DENND10: variants seen among roughly 807,000 people sequenced by gnomAD.
DENND10 encodes DENN domain-containing protein 10.
In DENND10, 24 loss-of-function variants were observed where a neutral mutation model predicts 43.6. The ratio of observed to expected loss-of-function variants is 0.55; its 90% CI spans 0.40 to 0.77. The LOEUF is 0.77. Ranked by LOEUF, DENND10 falls within the 30% of genes least tolerant of loss-of-function variation. DENND10 has a pLI of 0.00. For missense variants in DENND10, 303 were observed against 429.9 expected, an observed-to-expected ratio of 0.70 and a Z score of 2.61; for synonymous variants, 125 against 157.6, an observed-to-expected ratio of 0.79 and a Z score of 1.55.
At chr10:119,113,338 T>A (rs576768968) in intron 3 of DENND10, among the ~76,000 whole-genome samples, 96 of 151,788 alleles carry the variant, frequency 6.3e-4, no homozygotes, top group African/African-American at 2.2e-3. Flanking sequence ...TACAGGTGTG[T>A]GCCACTGCTC....
In DENND10 at chr10:119,136,487, CAA is replaced by C. The variant is rs1846365812; in HGVS notation, c.915_916del (p.Glu307AsnfsTer14). On this transcript the variant is annotated frameshift_variant, in exon 9 of 9. Coordinates refer to ENST00000361432, the MANE Select transcript of DENND10 (RefSeq NM_207009.4). LOFTEE classifies it high-confidence loss of function. ...CTATTAAAGGATATTGCTCTAAAAA[CAA>C]GAGAAATCTTTACCAACCTAGCACC... 3 of 1,600,658 alleles carry C rather than the reference CAA, an allele frequency of 1.9e-6. No homozygotes were observed. Among genetic ancestry groups the C allele is most frequent in the African/African-American group, 1.4e-5 (1 of 73,942 alleles).
At chr10:119,105,500 AT>A in intron 1 of DENND10, 1 of 1,179,656 alleles carries the variant, frequency 8.5e-7, no homozygotes, top group Non-Finnish European at 1.1e-6. Flanking sequence ...GTCCAGGTGG[AT>A]TACTGTATTT....
chr10:119,109,400 CA>C (rs2133459196), intron 2 of DENND10, among the ~76,000 whole-genome samples: 1 of 152,100 alleles, frequency 6.6e-6, no homozygotes, highest in East Asian at 1.9e-4. Context: ...AATATTGGAA[CA>C]ATACTTTATC....
At chr10:119,131,885 C>T (rs1846103148) in intron 7 of DENND10, among the ~76,000 whole-genome samples, 1 of 152,202 alleles carries the variant, frequency 6.6e-6, no homozygotes, top group Non-Finnish European at 1.5e-5. Context: ...TGGCCATCTT[C>T]CTGCTGCCCT....
chr10:119,108,213 G>T (rs375666363), intron 2 of DENND10, 49 bp downstream of exon 2: 2 of 1,352,672 alleles, frequency 1.5e-6, no homozygotes, highest in Non-Finnish European at 2.1e-6. Context: ...GGCTGGGCGC[G>T]GTGGCTCATG....
At position 119,132,563 on chromosome 10, in the gene DENND10, T is replaced by C; in HGVS notation, c.851T>C (p.Val284Ala). The C allele has an allele frequency of 6.2e-7, 1 of 1,614,186 alleles. No homozygotes were observed. Among genetic ancestry groups the C allele is most frequent in the Non-Finnish European group, 8.5e-7 (1 of 1,180,014 alleles). ...CACAAAGAAATGGGTCAGCTAATTG[T>C]TCAGTCTGCAGAAGATCCAGAGAAA... The part of the protein sequence containing the change: ...KLHKEMGQLI[V>A]QSAEDPEKSE... Residue 284 changes from valine to alanine, a missense_variant, in exon 8 of 9, where the codon GTT (valine) becomes GCT (alanine). Physicochemically the swap from Val to Ala is moderately conservative, Grantham distance 64. Transcript: ENST00000361432. This position sits in a 1 kb window ranked among gnomAD's most constrained non-coding sequence, Gnocchi z 4.2.
At chr10:119,124,387 A>AT (rs1364985354) in intron 6 of DENND10, among the ~76,000 whole-genome samples, 19 of 148,968 alleles carry the variant, frequency 1.3e-4, no homozygotes, top group Non-Finnish European at 2.2e-4. Flanking sequence ...AAAAAAAAAA[A>AT]AAAATTAGCC....
intron 3 of DENND10, among the ~76,000 whole-genome samples, chr10:119,113,340 C>T (rs1262538725): frequency 2.6e-5 from 4 of 151,382 alleles, no homozygotes; most frequent in African/African-American, 9.7e-5. Flanking sequence ...CAGGTGTGTG[C>T]CACTGCTCCT....
At chr10:119,112,493 CTTTTT>C (rs1353576739) in intron 3 of DENND10, among the ~76,000 whole-genome samples, 1 of 133,498 alleles carries the variant, frequency 7.5e-6, no homozygotes, top group African/African-American at 2.8e-5. Flanking sequence ...TTTTCTTTTT[CTTTTT>C]TTTTTTTTTT....
intron 4 of DENND10, 83 bp from the exon 5 acceptor site, chr10:119,120,256 AAG>A: frequency 1.1e-6 from 1 of 877,116 alleles, no homozygotes; most frequent in African/African-American, 1.7e-5. Context: ...TCAAAAAAAA[AAG>A]AAAAAAGAAA....
chr10:119,131,923 C>G (rs1311427839), intron 7 of DENND10, among the ~76,000 whole-genome samples: 1 of 152,216 alleles, frequency 6.6e-6, no homozygotes, highest in Non-Finnish European at 1.5e-5. Context: ...TAAAAATGGG[C>G]TCATCCTAAT....
At chr10:119,114,501 C>T (rs1845146796) in intron 3 of DENND10, 1 of 152,256 alleles carries the variant, frequency 6.6e-6, no homozygotes, top group Admixed American at 6.5e-5. Flanking sequence ...TCTTCAGCCT[C>T]TAGTCGCTTG....
At chr10:119,127,806 T>C (rs1845901469) in intron 6 of DENND10, among the ~76,000 whole-genome samples, 1 of 152,004 alleles carries the variant, frequency 6.6e-6, no homozygotes, top group Non-Finnish European at 1.5e-5. Flanking sequence ...ATTTTTGTAT[T>C]TTTAGTAGAG....
At chr10:119,135,815 A>AAAAAAAAAAAAAAACAAAAAAAAAAT in intron 8 of DENND10, among the ~76,000 whole-genome samples, 1 of 137,926 alleles carries the variant, frequency 7.3e-6, no homozygotes, top group South Asian at 2.3e-4. Flanking sequence ...AAAAAAAAAA[A>AAAAAAAAAAAAAAACAAAAAAAAAAT]ACCAAAACCA....
intron 3 of DENND10, among the ~76,000 whole-genome samples, chr10:119,112,493 C>CTTTTTTTTTTTTTTTTTTTTTTTT (rs1353576739): frequency 7.5e-6 from 1 of 133,512 alleles, no homozygotes. Flanking sequence ...TTTTCTTTTT[C>CTTTTTTTTTTTTTTTTTTTTTTTT]TTTTTTTTTT....
intron 4 of DENND10, 149 bp from the exon 5 acceptor site, chr10:119,120,192 G>A (rs1053097615): frequency 3.9e-6 from 2 of 516,898 alleles, no homozygotes; most frequent in East Asian, 3.6e-5. Flanking sequence ...AGGTTGCGGT[G>A]AGCAACTATC....
At chr10:119,107,835 G>A in intron 1 of DENND10, 133 bp from the exon 2 acceptor site, 1 of 768,994 alleles carries the variant, frequency 1.3e-6, no homozygotes, top group South Asian at 1.6e-5. Flanking sequence ...GGGAATTTGG[G>A]GTGTCAGGTA....
At chr10:119,134,740 C>T (rs536058082) in intron 8 of DENND10, 82 of 152,284 alleles carry the variant, frequency 5.4e-4, no homozygotes, top group African/African-American at 1.8e-3. Flanking sequence ...GGTTACTTAT[C>T]CCAGGCAGAA....
rs538795717 is a variant in DENND10, at chr10:119,126,626, G to A, written c.695-2889G>A. Among the ~76,000 whole-genome samples, 4 of 152,112 alleles carry A rather than the reference G, an allele frequency of 2.6e-5. No homozygotes were observed. In the East Asian group the frequency reaches 7.7e-4, roughly 29 times the overall value. Reference sequence around the variant, plus strand: ...ACTGCAGGCACCCACCACCATGCCTGGCTAATTTTTGTATTTTTAGTAGAG... The same window carrying A: ...ACTGCAGGCACCCACCACCATGCCTAGCTAATTTTTGTATTTTTAGTAGAG... On this transcript the variant is annotated intron_variant, in intron 6 of 8. Transcript: ENST00000361432.
Sources: gnomAD v4.1 joint callset for allele counts (sites outside exome capture counted in the v4.1 genomes callset) on GRCh38, gnomAD v4.1.1 for gene constraint, Gnocchi (gnomAD v3.1) non-coding constraint, MANE v1.5 for transcripts, NCBI Gene and HGNC (gene_info 2026-07-23, HGNC 2026-07-21) for gene names.